SH3PXD2B: variants seen among roughly 807,000 people sequenced by gnomAD.
SH3PXD2B encodes the protein SH3 and PX domains 2B.
A neutral mutation model predicts 73.1 loss-of-function variants in SH3PXD2B; 37 were observed. The ratio of observed to expected loss-of-function variants is 0.51; its 90% confidence interval spans 0.39 to 0.67. The LOEUF is 0.67. SH3PXD2B is among the 30% of genes least tolerant of loss of function. The pLI is 0.00. For synonymous variants in SH3PXD2B, 457 were observed against 480.5 expected (o/e 0.95, Z 0.64); for missense variants, 1,053 against 1,197.8 (o/e 0.88, Z 1.78).
chr5:172,426,013 A>C (rs923988895), intron 1 of SH3PXD2B, among the ~76,000 whole-genome samples: 5 of 152,222 alleles, frequency 3.3e-5, no homozygotes, highest in Non-Finnish European at 5.9e-5. Flanking sequence ...GGGATTAAAA[A>C]ACAAGGAAAA....
At chr5:172,424,367 G>C (rs555982716) in intron 1 of SH3PXD2B, among the ~76,000 whole-genome samples, 82 of 152,298 alleles carry the variant, frequency 5.4e-4, no homozygotes, top group Middle Eastern at 3.4e-3. Context: ...GTGGGTAGAG[G>C]GGAATGAGGG....
chr5:172,431,220 C>T (rs2113482320), intron 1 of SH3PXD2B, among the ~76,000 whole-genome samples: 1 of 152,346 alleles, frequency 6.6e-6, no homozygotes, highest in South Asian at 2.1e-4. Context: ...GGCTCATGGA[C>T]ACCATCACGT....
downstream of SH3PXD2B, among the ~76,000 whole-genome samples, chr5:172,330,229 A>G (rs1756529764): frequency 6.6e-6 from 1 of 152,146 alleles, no homozygotes. Flanking sequence ...TGGGATGCTC[A>G]ATTTGTATGG....
chr5:172,353,758 G>A lies in SH3PXD2B; in HGVS notation c.785+130C>T. On this transcript the variant is annotated intron_variant, in intron 9 of 12. Coordinates refer to ENST00000311601, the MANE Select transcript of SH3PXD2B (RefSeq NM_001017995.3). The surrounding 1 kb of genome is among the most constrained non-coding windows in gnomAD (Gnocchi z 4.3). ...ACACAGAGGAGAAGTATCCTTTTAT[G>A]GTTCAGGCGGAAACTTCGCCCAGAT... 1 of 773,266 alleles carries A rather than the reference G, an allele frequency of 1.3e-6. No homozygotes were observed. Among genetic ancestry groups the A allele is most frequent in the South Asian group, 1.4e-5 (1 of 70,488 alleles). The allele number at this position is 773,266 out of a possible 1,614,324, so 47.9% of individuals were successfully genotyped here. A position where few individuals can be genotyped will look rare whatever the true frequency, so the allele number is the denominator to read the frequency against.
chr5:172,374,170 G>A (rs370399949), intron 5 of SH3PXD2B, among the ~76,000 whole-genome samples: 4 of 152,124 alleles, frequency 2.6e-5, no homozygotes, highest in African/African-American at 9.7e-5. Context: ...AGAGGTCCCT[G>A]CCCCATTTCT....
At chr5:172,329,000 G>T (rs1334059798), downstream of SH3PXD2B, among the ~76,000 whole-genome samples, 1 of 141,562 alleles carries the variant, frequency 7.1e-6, no homozygotes, top group Non-Finnish European at 1.5e-5. Flanking sequence ...AACATGTATA[G>T]ATACACACAT....
At chr5:172,437,483 A>G (rs1317054885) in intron 1 of SH3PXD2B, among the ~76,000 whole-genome samples, 2 of 152,096 alleles carry the variant, frequency 1.3e-5, no homozygotes, top group Admixed American at 6.5e-5. Flanking sequence ...GAGGCTGGGA[A>G]GTGGGTGACA....
intron 1 of SH3PXD2B, among the ~76,000 whole-genome samples, chr5:172,429,919 G>A (rs1759192681): frequency 6.6e-6 from 1 of 152,138 alleles, no homozygotes; most frequent in Non-Finnish European, 1.5e-5. Context: ...CTGTCAGAGT[G>A]ACCAGTACAT....
At chr5:172,396,834 A>G (rs6556020) in intron 3 of SH3PXD2B, among the ~76,000 whole-genome samples, 68,829 of 151,844 alleles carry the variant, frequency 0.45, 16,755 homozygotes, top group East Asian at 0.69. Context: ...CCAGCTACTC[A>G]GGAGACTGAG....
At position 172,414,426 on chromosome 5, in the gene SH3PXD2B, G is replaced by A. The variant is rs1467566736; in HGVS notation, c.156+7990C>T. ...GGAGGTGGCCGTGAGCCGAGATCGC[G>A]CCACTGCACTCCAGAGCGAGACTCC... On this transcript the variant is annotated intron_variant, in intron 2 of 12. Transcript: ENST00000311601. Among the ~76,000 whole-genome samples, 5 of 138,986 alleles carry A rather than the reference G, an allele frequency of 3.6e-5. No individual in the cohort carries two copies. The South Asian group carries it at 7.2e-4, about 20-fold the overall frequency. The allele number at this position is 138,986 out of a possible 152,430, so 91.2% of individuals were successfully genotyped here.
At chr5:172,431,471 C>G (rs1017172521) in intron 1 of SH3PXD2B, among the ~76,000 whole-genome samples, 1 of 152,314 alleles carries the variant, frequency 6.6e-6, no homozygotes, top group Admixed American at 6.5e-5. Flanking sequence ...TACTATGACG[C>G]ACAACAGGGG....
At chr5:172,418,311 T>C (rs1375047899) in intron 2 of SH3PXD2B, among the ~76,000 whole-genome samples, 1 of 152,218 alleles carries the variant, frequency 6.6e-6, no homozygotes, top group East Asian at 1.9e-4. Context: ...CTGTTTCTAT[T>C]GTTTTCACCC....
At chr5:172,359,942 G>A (rs116317205) in intron 7 of SH3PXD2B, among the ~76,000 whole-genome samples, 9 of 152,238 alleles carry the variant, frequency 5.9e-5, no homozygotes, top group Admixed American at 2.0e-4. Context: ...CATTGCTGGC[G>A]CTGAAGAAGG....
intron 5 of SH3PXD2B, among the ~76,000 whole-genome samples, chr5:172,375,091 G>GT (rs773466212): frequency 2.5e-4 from 38 of 152,244 alleles, no homozygotes; most frequent in Non-Finnish European, 4.7e-4. Flanking sequence ...AGGAGCGGTG[G>GT]TTCACGCCTG....
At chr5:172,422,530 C>T in intron 1 of SH3PXD2B, 34 bp from the exon 2 acceptor site, 1 of 1,589,234 alleles carries the variant, frequency 6.3e-7, no homozygotes, top group Non-Finnish European at 8.6e-7. Context: ...GGTGTTAACA[C>T]CAGAAGGTGG....
chr5:172,395,245 T>C (rs2113400801), intron 3 of SH3PXD2B, among the ~76,000 whole-genome samples: 1 of 152,340 alleles, frequency 6.6e-6, no homozygotes, highest in African/African-American at 2.4e-5. Flanking sequence ...GTCCTACCAA[T>C]CATGTGCTCT....
chr5:172,406,150 CTGAGATTCTGG>C, intron 3 of SH3PXD2B, 116 bp downstream of exon 3: 1 of 1,101,844 alleles, frequency 9.1e-7, no homozygotes, highest in Non-Finnish European at 1.3e-6. Flanking sequence ...CTACAAATGG[CTGAGATTCTGG>C]TCAGTGGGAT....
At chr5:172,427,937 C>T (rs1374324723) in intron 1 of SH3PXD2B, among the ~76,000 whole-genome samples, 1 of 151,882 alleles carries the variant, frequency 6.6e-6, no homozygotes, top group African/African-American at 2.4e-5. Flanking sequence ...CCACCATGCT[C>T]GGCTAATTTT....
chr5:172,438,767 A>G (rs770089524), intron 1 of SH3PXD2B, among the ~76,000 whole-genome samples: 4 of 152,192 alleles, frequency 2.6e-5, no homozygotes, highest in Non-Finnish European at 5.9e-5. Flanking sequence ...AGTAAAGCTG[A>G]GGGAATTCTT....
Sources: allele counts gnomAD v4.1 joint callset (sites outside exome capture counted in the v4.1 genomes callset), GRCh38; gene constraint gnomAD v4.1.1; non-coding constraint Gnocchi (gnomAD v3.1); transcripts MANE v1.5; gene names NCBI Gene and HGNC (gene_info 2026-07-23, HGNC 2026-07-21).